The following DAZAP1 variants were observed in gnomAD, a reference collection of about 807,000 sequenced individuals.
DAZAP1 encodes the protein DAZ-associated protein 1.
Under a neutral mutation model 60.1 loss-of-function variants are expected in DAZAP1, and 6 were observed. That is an observed-to-expected ratio of 0.10 (90% CI 0.05 to 0.20). DAZAP1 has a LOEUF of 0.20. Among genes scored for constraint, DAZAP1 ranks in the 10% least tolerant of loss-of-function variants. The pLI is 1.00. For missense variants in DAZAP1, 366 were observed against 560.4 expected (o/e 0.65, Z 3.50); for synonymous variants, 235 against 215.9 (o/e 1.09, Z -0.78).
chr19:1,425,266 T>C lies in DAZAP1; in HGVS notation c.464-612T>C, dbSNP rs997992432. Among the ~76,000 whole-genome samples the C allele has an allele frequency of 1.3e-5, 2 of 152,232 alleles. No individual in the cohort carries two copies. The highest frequency in any genetic ancestry group is 4.8e-5 in the African/African-American group (2 of 41,458). On this transcript the variant is annotated intron_variant, in intron 6 of 11. Transcript: ENST00000233078. This position sits in a 1 kb window ranked among gnomAD's most constrained non-coding sequence, Gnocchi z 5.4. ...GCGAGGCACCAGCTATGATAGATAC[T>C]GTATCTGTTAACGCTTTAGAACGAT... is the stretch of plus-strand genomic sequence containing the variant.
intron 9 of DAZAP1, 99 bp from the exon 10 acceptor site, chr19:1,430,123 G>A: frequency 2.6e-6 from 4 of 1,530,944 alleles, no homozygotes; most frequent in Admixed American, 1.8e-5. Flanking sequence ...AAGAGAGGGT[G>A]AGGGGCCTGC....
Position 1,418,507 on chromosome 19 carries a change from T to C in DAZAP1, c.237+137T>C. Reference sequence around the variant, plus strand: ...GGGTCGATTGGGAAGGATTAAGCCTTGGTGCTGAGGCTGGATATTGCAGGA... The same window carrying C: ...GGGTCGATTGGGAAGGATTAAGCCTCGGTGCTGAGGCTGGATATTGCAGGA... On this transcript the variant is annotated intron_variant, in intron 3 of 11. Coordinates refer to ENST00000233078, the MANE Select transcript of DAZAP1 (RefSeq NM_018959.4). The surrounding 1 kb of genome is among the most constrained non-coding windows in gnomAD (Gnocchi z 5.7). 7.0e-7 allele frequency: 1 copy of C among 1,427,252 alleles called. No homozygotes were observed. Among genetic ancestry groups the C allele is most frequent in the Admixed American group, 1.7e-5 (1 of 57,232 alleles). The allele number at this position is 1,427,252 out of a possible 1,614,324, so 88.4% of individuals were successfully genotyped here.
At chr19:1,415,371 G>GTA (rs2082947909) in intron 1 of DAZAP1, among the ~76,000 whole-genome samples, 1 of 146,794 alleles carries the variant, frequency 6.8e-6, no homozygotes, top group Non-Finnish European at 1.5e-5. Flanking sequence ...GTGTGTGTGT[G>GTA]TGTGTGTGTG....
intron 7 of DAZAP1, chr19:1,427,098 G>A (rs2083323043): frequency 6.6e-6 from 1 of 152,210 alleles, no homozygotes. Context: ...ACTAAAACAG[G>A]AGACACAATC....
At chr19:1,417,637 A>G (rs2144767832) in intron 2 of DAZAP1, 97 bp downstream of exon 2, 1 of 1,158,362 alleles carries the variant, frequency 8.6e-7, no homozygotes, top group Non-Finnish European at 1.2e-6. Flanking sequence ...TGTCTTGGAT[A>G]TTTTAAAGTC....
Position 1,418,757 on chromosome 19 carries a change from C to G in DAZAP1, c.303+26C>G. 6.3e-7 allele frequency: 1 copy of G among 1,576,852 alleles called. No individual in the cohort carries two copies. On this transcript the variant is annotated intron_variant, in intron 4 of 11. Transcript: ENST00000233078. This position sits in a 1 kb window ranked among gnomAD's most constrained non-coding sequence, Gnocchi z 5.7. The stretch of plus-strand genomic sequence containing the variant: ...GTAAGGGGCTGGGCCGGGCGGCCTC[C>G]TTGTGTGTTCTCCACTCCACGTGGA...
chr19:1,420,971 G>A (rs181216084), intron 4 of DAZAP1, among the ~76,000 whole-genome samples, 177 bp from the exon 5 acceptor site: 5 of 152,358 alleles, frequency 3.3e-5, no homozygotes, highest in African/African-American at 7.2e-5. Flanking sequence ...CTAGAAAAGT[G>A]AGAAAGTGTC....
chr19:1,420,481 AG>A (rs1001877504), intron 4 of DAZAP1, among the ~76,000 whole-genome samples: 73 of 151,160 alleles, frequency 4.8e-4, no homozygotes, highest in African/African-American at 1.7e-3. Flanking sequence ...AGCCTTGGAT[AG>A]GGAAAAAAAA....
intron 1 of DAZAP1, chr19:1,409,749 G>C (rs891379724): frequency 1.3e-5 from 2 of 152,384 alleles, no homozygotes; most frequent in African/African-American, 4.8e-5. Context: ...CTGCAGGTGC[G>C]GTGGGTGCCA....
rs1346096647 is a variant in DAZAP1, at chr19:1,418,718, C to T, written c.290C>T (p.Pro97Leu). Residue 97 changes from proline to leucine, a missense_variant, in exon 4 of 12, where the codon CCG becomes CTG. Pro to Leu is a moderately conservative substitution (Grantham distance 98). Around this residue, in one of 3 missense-constraint regions of DAZAP1, gnomAD observed 98 missense variants for 155.3 expected, o/e 0.63. Transcript: ENST00000233078. This position sits in a 1 kb window ranked among gnomAD's most constrained non-coding sequence, Gnocchi z 5.7. ...PRGMQPERTR[P>L]KEGWQKGPRS... ...GGGATGCAGCCGGAGAGAACACGGC[C>T]GAAGGAAGGATGGGTAAGGGGCTGG... is the stretch of plus-strand genomic sequence containing the variant. 17 of 1,611,418 alleles carry T rather than the reference C, an allele frequency of 1.1e-5. No homozygotes were observed. Among genetic ancestry groups the T allele is most frequent in the South Asian group, 6.6e-5 (6 of 90,724 alleles).
intron 10 of DAZAP1, among the ~76,000 whole-genome samples, 153 bp downstream of exon 10, chr19:1,430,515 A>T (rs1285043779): frequency 1.3e-5 from 2 of 152,068 alleles, no homozygotes; most frequent in East Asian, 3.9e-4. Flanking sequence ...CAGGCCCTTC[A>T]CCTGCAGATG....
intron 8 of DAZAP1, among the ~76,000 whole-genome samples, chr19:1,429,710 G>A (rs563483222): frequency 1.3e-5 from 2 of 152,316 alleles, no homozygotes; most frequent in South Asian, 2.1e-4. Flanking sequence ...GAGGTCACCC[G>A]TGCCCCAGTC....
chr19:1,421,278 G>A lies in DAZAP1; in HGVS notation c.414+20G>A, dbSNP rs777855984. On this transcript the variant is annotated intron_variant, in intron 5 of 11. Transcript: ENST00000233078. The stretch of plus-strand genomic sequence containing the variant: ...GGAGTGGTGAGTTTCTCCCCACCCC[G>A]GCAGCACTGTGGGGACAGAGCCGCT... 15 of 1,606,784 alleles carry A rather than the reference G, an allele frequency of 9.3e-6. No individual in the cohort carries two copies. The highest frequency in any genetic ancestry group is 2.7e-5 in the African/African-American group (2 of 74,800).
chr19:1,430,254 G>GGCCCCCCCC lies in DAZAP1; in HGVS notation c.763_764insGCCCCCCCC (p.Ala255delinsGlyProProPro). 1 of 1,295,264 alleles carries GGCCCCCCCC rather than the reference G, an allele frequency of 7.7e-7. No individual in the cohort carries two copies. The allele number at this position is 1,295,264 out of a possible 1,614,324, so 80.2% of individuals were successfully genotyped here. A position where few individuals can be genotyped will look rare whatever the true frequency, so the allele number is the denominator to read the frequency against. ...TGGACCGCCCCCTGCAGGAAGAGGA[G>GGCCCCCCCC]CCCCCCCGCCACCCCCACCGTTCAC... On this transcript the variant is annotated protein_altering_variant, in exon 10 of 12. Coordinates refer to ENST00000233078, the MANE Select transcript of DAZAP1 (RefSeq NM_018959.4).
rs563568427 is a variant in DAZAP1 at position 1,413,672 on chromosome 19, C to T, written c.30-3828C>T. On this transcript the variant is annotated intron_variant, in intron 1 of 11. Coordinates refer to ENST00000233078, the MANE Select transcript of DAZAP1 (RefSeq NM_018959.4). ...CACAGTGTGGCCGCGCGCGGTGCCTCACGCCTGTCATCCTAGCACTTTGGG... is the reference window on the plus strand; with the variant it reads ...CACAGTGTGGCCGCGCGCGGTGCCTTACGCCTGTCATCCTAGCACTTTGGG... Among the ~76,000 whole-genome samples the T allele has an allele frequency of 3.9e-5, 6 of 152,320 alleles. No individual in the cohort carries two copies. In the East Asian group the frequency reaches 1.2e-3, roughly 29 times the overall value.
intron 8 of DAZAP1, among the ~76,000 whole-genome samples, chr19:1,429,302 A>C (rs983992031): frequency 6.6e-6 from 1 of 152,234 alleles, no homozygotes; most frequent in Non-Finnish European, 1.5e-5. Flanking sequence ...AGGTCTGAGC[A>C]CGAAACCCTG....
In DAZAP1 at chr19:1,422,303, G is replaced by C; in HGVS notation, c.415-45G>C. 5 of 1,589,988 alleles carry C rather than the reference G, an allele frequency of 3.1e-6. No homozygotes were observed. The highest frequency in any genetic ancestry group is 4.3e-6 in the Non-Finnish European group (5 of 1,158,886). Reference sequence around the variant, plus strand: ...GCTGTGCCCTCGGAAGACCACCTGTGGTGCTGGCCCTGGTGTCCGTGCTGA... The same window carrying C: ...GCTGTGCCCTCGGAAGACCACCTGTCGTGCTGGCCCTGGTGTCCGTGCTGA... On this transcript the variant is annotated intron_variant, in intron 5 of 11. Transcript: ENST00000233078. The surrounding 1 kb of genome is among the most constrained non-coding windows in gnomAD (Gnocchi z 4.5).
chr19:1,418,542 G>A lies in DAZAP1; in HGVS notation c.238-124G>A. ...GCTGGATATTGCAGGAGGATACAGGGTGAATGGAGCCGGCGGGGCGGGGCG... is the reference window on the plus strand; with the variant it reads ...GCTGGATATTGCAGGAGGATACAGGATGAATGGAGCCGGCGGGGCGGGGCG... On this transcript the variant is annotated intron_variant, in intron 3 of 11. Transcript: ENST00000233078. This position sits in a 1 kb window ranked among gnomAD's most constrained non-coding sequence, Gnocchi z 5.7. The A allele has an allele frequency of 4.8e-6, 7 of 1,454,924 alleles. No homozygotes were observed. The highest frequency in any genetic ancestry group is 6.7e-6 in the Non-Finnish European group (7 of 1,039,620). 90.1% of individuals were successfully genotyped at this position (1,454,924 alleles called of 1,614,324 possible). A position where few individuals can be genotyped will look rare whatever the true frequency, so the allele number is the denominator to read the frequency against.
At chr19:1,430,070 C>T (rs2083405184) in intron 9 of DAZAP1, 74 bp downstream of exon 9, 1 of 1,579,154 alleles carries the variant, frequency 6.3e-7, no homozygotes, top group African/African-American at 1.3e-5. Context: ...TGTCCTGGGG[C>T]AGCCGGCAAA....
Sources: gnomAD v4.1 joint callset for allele counts (sites outside exome capture counted in the v4.1 genomes callset) on GRCh38, gnomAD v4.1.1 for gene constraint, gnomAD v4.1.1 regional missense constraint, Gnocchi (gnomAD v3.1) non-coding constraint, MANE v1.5 for transcripts, NCBI Gene and HGNC (gene_info 2026-07-23, HGNC 2026-07-21) for gene names.